Variants in C9 observed in about 807,000 individuals in gnomAD.
C9 encodes the protein complement C9.
Under a neutral mutation model 65.4 loss-of-function variants are expected in C9, and 63 were observed. The ratio of observed to expected loss-of-function variants is 0.96; its 90% CI spans 0.79 to 1.19. C9 has a LOEUF of 1.19. Ranked by LOEUF, C9 falls within the 50% of genes most tolerant of loss-of-function variation. The pLI, the probability that C9 is intolerant of heterozygous loss-of-function variation, is 0.00. For missense variants in C9, 744 were observed against 670.1 expected (o/e 1.11, Z -1.22); for synonymous variants, 229 against 227.9 (o/e 1.00, Z -0.04).
chr5:39,345,978 C>A (rs1320971593), intron 1 of C9, among the ~76,000 whole-genome samples: 1 of 152,100 alleles, frequency 6.6e-6, no homozygotes, highest in Non-Finnish European at 1.5e-5. Context: ...CCAATGAGAA[C>A]AAAGACACAA....
rs368787086 is a variant in C9, at chr5:39,288,866, T to C, written c.1502A>G (p.Tyr501Cys). The change falls in exon 10 of 11, where the codon TAT (tyrosine) becomes TGT (cysteine). Residue 501 changes from tyrosine (Y) to cysteine (C), a missense_variant. Tyr to Cys is a radical substitution (Grantham distance 194). Coordinates refer to ENST00000263408, the MANE Select transcript of C9 (RefSeq NM_001737.5). ...KQNLERAIED[Y>C]INEFSVRKCH... ...TTTTCTTACACTAAATTCATTGATATAGTCTTCAATGGCTCTTTCCAAGTT... is the reference window on the plus strand; with the variant it reads ...TTTTCTTACACTAAATTCATTGATACAGTCTTCAATGGCTCTTTCCAAGTT... 2.5e-6 allele frequency: 4 copies of C among 1,609,166 alleles called. No homozygotes were observed. Among genetic ancestry groups the C allele is most frequent in the African/African-American group, 1.3e-5 (1 of 74,856 alleles).
chr5:39,325,235 A>G (rs1753727700), intron 5 of C9, among the ~76,000 whole-genome samples: 2 of 152,204 alleles, frequency 1.3e-5, no homozygotes. Flanking sequence ...GATTCATTGT[A>G]ACCTTTTGAG....
At chr5:39,314,089 C>A (rs938391900) in intron 6 of C9, among the ~76,000 whole-genome samples, 1 of 152,148 alleles carries the variant, frequency 6.6e-6, no homozygotes, top group Non-Finnish European at 1.5e-5. Context: ...CACCTATGAT[C>A]TCTTCTTGAC....
At chr5:39,314,078 G>A (rs1753532481) in intron 6 of C9, among the ~76,000 whole-genome samples, 2 of 152,052 alleles carry the variant, frequency 1.3e-5, no homozygotes, top group South Asian at 4.1e-4. Flanking sequence ...TTGGCTCTTA[G>A]CACCTATGAT....
intron 1 of C9, among the ~76,000 whole-genome samples, chr5:39,362,288 T>C (rs1754535480): frequency 1.3e-5 from 2 of 152,286 alleles, no homozygotes; most frequent in South Asian, 2.1e-4. Context: ...CCTAATCCAA[T>C]ATGACTGGTG....
intron 1 of C9, among the ~76,000 whole-genome samples, chr5:39,361,619 G>T (rs529159821): frequency 6.6e-6 from 1 of 152,126 alleles, no homozygotes; most frequent in Non-Finnish European, 1.5e-5. Flanking sequence ...TACTTAAGGC[G>T]CAGAGCCAGT....
intron 1 of C9, among the ~76,000 whole-genome samples, chr5:39,345,592 C>T (rs1561352632): frequency 6.6e-6 from 1 of 152,174 alleles, no homozygotes; most frequent in Non-Finnish European, 1.5e-5. Context: ...TAACACCCCA[C>T]TGTCAACATT....
chr5:39,302,077 T>C (rs1317166762), intron 9 of C9, among the ~76,000 whole-genome samples: 1 of 152,048 alleles, frequency 6.6e-6, no homozygotes, highest in Non-Finnish European at 1.5e-5. Flanking sequence ...TTGGATTAAA[T>C]GTATAAACAG....
Position 39,306,746 on chromosome 5 carries a change from T to G in C9, c.1287A>C (p.Ile429=). 1 of 1,612,444 alleles carries G rather than the reference T, an allele frequency of 6.2e-7. No individual in the cohort carries two copies. Among genetic ancestry groups the G allele is most frequent in the Non-Finnish European group, 8.5e-7 (1 of 1,178,566 alleles). The change falls in exon 9 of 11, where the codon ATA becomes ATC. Residue 429 remains isoleucine, a synonymous_variant. Coordinates refer to ENST00000263408, the MANE Select transcript of C9 (RefSeq NM_001737.5). ...ATGCATATTTTCTGGTTCCACCTCT[T>G]ATGAGTGAAACAACATCATCTATGA... The part of the protein sequence containing the change: ...ENLIDDVVSL[I]RGGTRKYAFE...
At chr5:39,325,874 T>A (rs1323162452) in intron 5 of C9, among the ~76,000 whole-genome samples, 2 of 151,922 alleles carry the variant, frequency 1.3e-5, no homozygotes, top group East Asian at 3.9e-4. Flanking sequence ...ATTCAAATAA[T>A]CTCCTTGTTG....
At chr5:39,304,844 C>T (rs921892160) in intron 9 of C9, among the ~76,000 whole-genome samples, 5 of 152,146 alleles carry the variant, frequency 3.3e-5, no homozygotes, top group African/African-American at 9.7e-5. Context: ...TACAGCAGGA[C>T]TGCACCAACA....
chr5:39,363,859 T>C (rs1337496382), intron 1 of C9, among the ~76,000 whole-genome samples: 1 of 152,228 alleles, frequency 6.6e-6, no homozygotes, highest in Non-Finnish European at 1.5e-5. Context: ...AATTCTGGAA[T>C]GGAAGAAATA....
intron 5 of C9, among the ~76,000 whole-genome samples, chr5:39,324,286 C>T (rs1005278424): frequency 6.6e-6 from 1 of 152,130 alleles, no homozygotes; most frequent in Non-Finnish European, 1.5e-5. Context: ...AATTTTATGT[C>T]ATTTTCCACA....
intron 9 of C9, among the ~76,000 whole-genome samples, chr5:39,289,526 A>T (rs1273515963): frequency 6.6e-6 from 1 of 151,704 alleles, no homozygotes; most frequent in African/African-American, 2.4e-5. Flanking sequence ...AAGGAAAGAG[A>T]TTCCTCCAGA....
rs933019673 is a variant in C9 at position 39,341,594 on chromosome 5, G to A, written c.290C>T (p.Ala97Val). 1 of 1,613,974 alleles carries A rather than the reference G, an allele frequency of 6.2e-7. No individual in the cohort carries two copies. ...AAAGTCATTTCCGCAGTCATCCTCA[G>A]CATCCTCACAGGGCTCTGTGGGCAC... ...QCVPTEPCED[A>V]EDDCGNDFQC... Residue 97 changes from alanine to valine, a missense_variant, in exon 3 of 11, where the codon GCT becomes GTT. Transcript: ENST00000263408.
intron 1 of C9, among the ~76,000 whole-genome samples, chr5:39,344,718 T>A (rs1327775179): frequency 6.6e-6 from 1 of 152,092 alleles, no homozygotes; most frequent in Non-Finnish European, 1.5e-5. Context: ...GACACATAAT[T>A]GTCAGATTTA....
At position 39,345,565 on chromosome 5, in the gene C9, A is replaced by G. The variant is rs1303904311; in HGVS notation, c.78-3369T>C. Among the ~76,000 whole-genome samples, 7 of 152,274 alleles carry G rather than the reference A, an allele frequency of 4.6e-5. No homozygotes were observed. The East Asian group carries it at 1.2e-3, about 25-fold the overall frequency. The stretch of plus-strand genomic sequence containing the variant: ...ACAAAGAGACTTAGACTCCCACACA[A>G]TAATAATGGGAGATTTTAACACCCC... On this transcript the variant is annotated intron_variant, in intron 1 of 10. Coordinates refer to ENST00000263408, the MANE Select transcript of C9 (RefSeq NM_001737.5).
chr5:39,347,391 G>A (rs914666441), intron 1 of C9, among the ~76,000 whole-genome samples: 1 of 152,070 alleles, frequency 6.6e-6, no homozygotes, highest in Non-Finnish European at 1.5e-5. Flanking sequence ...GACAAACAGA[G>A]AGCCAAATCA....
At chr5:39,291,071 G>C (rs866823369) in intron 9 of C9, among the ~76,000 whole-genome samples, 7 of 151,796 alleles carry the variant, frequency 4.6e-5, no homozygotes, top group Non-Finnish European at 2.9e-5. Flanking sequence ...GGCACACAAG[G>C]AAATAACACA....
Sources: gnomAD v4.1 joint callset for allele counts (sites outside exome capture counted in the v4.1 genomes callset) on GRCh38, gnomAD v4.1.1 for gene constraint, MANE v1.5 for transcripts, NCBI Gene and HGNC (gene_info 2026-07-23, HGNC 2026-07-21) for gene names.